Variants in UGT1A6 observed in about 807,000 individuals in gnomAD.
The protein encoded by UGT1A6 is UDP glucuronosyltransferase family 1 member A6, also known as UDP-glucuronosyltransferase 1A6.
Under a neutral mutation model 44.4 loss-of-function variants are expected in UGT1A6, and 32 were observed. The observed-to-expected ratio is 0.72, with a 90% CI of 0.54 to 0.97. The LOEUF (loss-of-function observed/expected upper bound fraction) is 0.97, where lower values mean the gene tolerates loss of function less well. UGT1A6 is among the 50% of genes least tolerant of loss of function. The pLI is 0.00. For missense variants in UGT1A6, 685 were observed against 661.9 expected, an observed-to-expected ratio of 1.03 and a Z score of -0.38; for synonymous variants, 238 against 248.5, an observed-to-expected ratio of 0.96 and a Z score of 0.40.
At chr2:233,725,070 G>A (rs1181179601) in intron 1 of UGT1A6, among the ~76,000 whole-genome samples, 7 of 145,216 alleles carry the variant, frequency 4.8e-5, no homozygotes, top group East Asian at 2.1e-4. Context: ...GCCTGCAATC[G>A]CAGGCACTCG....
At position 233,693,417 on chromosome 2, in the gene UGT1A6, T is replaced by A; in HGVS notation, c.413T>A (p.Phe138Tyr). The part of the protein sequence containing the change: ...SLLQDRDTLN[F>Y]FKESKFDALF... Reference sequence around the variant, plus strand: ...CTGCAGGACAGGGACACCCTGAACTTCTTTAAGGAGAGCAAGTTTGATGCT... The same window carrying A: ...CTGCAGGACAGGGACACCCTGAACTACTTTAAGGAGAGCAAGTTTGATGCT... Residue 138 changes from phenylalanine to tyrosine, a missense_variant, in exon 1 of 5, where the codon TTC becomes TAC. Physicochemically the swap from Phe to Tyr is conservative, Grantham distance 22. Transcript: ENST00000305139. 1 of 1,614,112 alleles carries A rather than the reference T, an allele frequency of 6.2e-7. No individual in the cohort carries two copies. The highest frequency in any genetic ancestry group is 8.5e-7 in the Non-Finnish European group (1 of 1,180,032).
intron 1 of UGT1A6, among the ~76,000 whole-genome samples, chr2:233,697,029 G>T (rs561369376): frequency 6.6e-6 from 1 of 152,092 alleles, no homozygotes; most frequent in South Asian, 2.1e-4. Context: ...ATATGGGCCC[G>T]CAGTTTTCTT....
intron 1 of UGT1A6, among the ~76,000 whole-genome samples, chr2:233,724,190 G>T (rs1456907439): frequency 1.6e-5 from 2 of 128,342 alleles, no homozygotes; most frequent in Non-Finnish European, 3.3e-5. Flanking sequence ...CCCGGACGGG[G>T]TGGCTGGCCG....
chr2:233,719,008 C>T (rs775074896), intron 1 of UGT1A6: 43 of 1,614,048 alleles, frequency 2.7e-5, no homozygotes, highest in Admixed American at 2.5e-4. Flanking sequence ...GTCCTCACCC[C>T]AGAGGTGAAT....
rs1700541312 is a variant in UGT1A6 at position 233,772,678 on chromosome 2, A to T, written c.*119A>T. On this transcript the variant is annotated 3_prime_UTR_variant, in exon 5 of 5. Transcript: ENST00000305139. ...TTAAGGAAATACTTTGCATAAATTA[A>T]TCAGCCCCAGAGTGCTTTAAAAAAT... The T allele has an allele frequency of 6.5e-7, 1 of 1,531,784 alleles. No homozygotes were observed. The highest frequency in any genetic ancestry group is 1.4e-5 in the African/African-American group (1 of 72,498). 94.9% of individuals were successfully genotyped at this position (1,531,784 alleles called of 1,614,324 possible).
chr2:233,706,934 A>C (rs932560394), intron 1 of UGT1A6, among the ~76,000 whole-genome samples: 8 of 152,130 alleles, frequency 5.3e-5, no homozygotes, highest in African/African-American at 1.7e-4. Flanking sequence ...GTCTGGTGAG[A>C]TGGAATGCTT....
At chr2:233,730,071 T>C in intron 1 of UGT1A6, 2 of 1,609,386 alleles carry the variant, frequency 1.2e-6, no homozygotes, top group Non-Finnish European at 1.7e-6. Context: ...TAAAATTGCT[T>C]CCATATTTAC....
At chr2:233,753,985 C>G (rs1431608078) in intron 1 of UGT1A6, among the ~76,000 whole-genome samples, 1 of 152,164 alleles carries the variant, frequency 6.6e-6, no homozygotes, top group Non-Finnish European at 1.5e-5. Context: ...TGTTTTAAGC[C>G]ACCAAGTTTG....
At position 233,725,275 on chromosome 2, in the gene UGT1A6, CAGAGGCAGAG is replaced by C. The variant is rs2077421204; in HGVS notation, c.861+31411_861+31420del. On this transcript the variant is annotated intron_variant, in intron 1 of 4. Coordinates refer to ENST00000305139, the MANE Select transcript of UGT1A6 (RefSeq NM_001072.4). ...GAGGCAGAGGCAGAGGAGGCAGAGG[CAGAGGCAGAG>C]GCAGAGGCAGAGGCAGAGGCAGAGG... 7.5e-5 allele frequency among the ~76,000 whole-genome samples: 2 copies of C among 26,790 alleles called. 1 individual carries two copies. Among genetic ancestry groups the C allele is most frequent in the Admixed American group, 6.8e-4 (2 of 2,920 alleles). The allele number at this position is 26,790 out of a possible 152,430, so 17.6% of individuals were successfully genotyped here.
chr2:233,711,761 G>A (rs2125625357), intron 1 of UGT1A6, among the ~76,000 whole-genome samples: 2 of 152,342 alleles, frequency 1.3e-5, no homozygotes, highest in Middle Eastern at 3.4e-3. Context: ...TAGACACAGA[G>A]GAAGTGAGAT....
intron 1 of UGT1A6, among the ~76,000 whole-genome samples, chr2:233,710,328 A>G (rs1227895445): frequency 6.6e-6 from 1 of 152,222 alleles, no homozygotes; most frequent in Non-Finnish European, 1.5e-5. Context: ...ATGACTTCAT[A>G]AGAAACAGTC....
chr2:233,739,424 C>T lies in UGT1A6; in HGVS notation c.862-27610C>T, dbSNP rs531347929. Among the ~76,000 whole-genome samples, 15 of 152,298 alleles carry T rather than the reference C, an allele frequency of 9.8e-5. No homozygotes were observed. In the South Asian group the frequency reaches 1.7e-3, roughly 17 times the overall value. ...TGCCACCCTCTGAAAGCAGCCAGGA[C>T]GAGGGCTTTACCCTGCAAAGCCACA... On this transcript the variant is annotated intron_variant, in intron 1 of 4. Transcript: ENST00000305139.
rs753056825 is a variant in UGT1A6 at position 233,767,178 on chromosome 2, T to C, written c.993+13T>C. 16 of 1,614,056 alleles carry C rather than the reference T, an allele frequency of 9.9e-6. No homozygotes were observed. Among genetic ancestry groups the C allele is most frequent in the Non-Finnish European group, 1.4e-5 (16 of 1,180,000 alleles). On this transcript the variant is annotated intron_variant, in intron 2 of 4. Coordinates refer to ENST00000305139, the MANE Select transcript of UGT1A6 (RefSeq NM_001072.4). ...AATCCCTCAGACAGTAAGAAGATTCTATACCATGGCCTCATATCTATTTTC... is the reference window on the plus strand; with the variant it reads ...AATCCCTCAGACAGTAAGAAGATTCCATACCATGGCCTCATATCTATTTTC...
At chr2:233,766,480 T>C (rs1299744322) in intron 1 of UGT1A6, among the ~76,000 whole-genome samples, 1 of 152,128 alleles carries the variant, frequency 6.6e-6, no homozygotes, top group African/African-American at 2.4e-5. Flanking sequence ...AGGCACATGA[T>C]GGGGGCGTGG....
chr2:233,702,607 C>T (rs1338677633), intron 1 of UGT1A6, among the ~76,000 whole-genome samples: 1 of 151,988 alleles, frequency 6.6e-6, no homozygotes, highest in Non-Finnish European at 1.5e-5. Context: ...TGAGTAGATG[C>T]CCCCCACATT....
chr2:233,769,506 T>A lies in UGT1A6; in HGVS notation c.1301+1067T>A. On this transcript the variant is annotated intron_variant, in intron 4 of 4. Coordinates refer to ENST00000305139, the MANE Select transcript of UGT1A6 (RefSeq NM_001072.4). The surrounding 1 kb of genome is among the most constrained non-coding windows in gnomAD (Gnocchi z 4.4). ...GTGTGTTTATGAGAGTGTCCATTGCTTTCTCCCATGGTTACCTCCTTTAGA... is the reference window on the plus strand; with the variant it reads ...GTGTGTTTATGAGAGTGTCCATTGCATTCTCCCATGGTTACCTCCTTTAGA... The A allele has an allele frequency of 6.2e-7, 1 of 1,612,780 alleles. No individual in the cohort carries two copies. Among genetic ancestry groups the A allele is most frequent in the Non-Finnish European group, 8.5e-7 (1 of 1,179,850 alleles).
rs1697701353 is a variant in UGT1A6, at chr2:233,761,179, G to A, written c.862-5855G>A. ...GTGTATTGGAGTGGGACTTTTACAT[G>A]CGTATATTCTTTCAGATGTATTACT... On this transcript the variant is annotated intron_variant, in intron 1 of 4. Transcript: ENST00000305139. 3 of 1,614,024 alleles carry A rather than the reference G, an allele frequency of 1.9e-6. No individual in the cohort carries two copies. In the South Asian group the frequency reaches 3.3e-5, roughly 18 times the overall value.
At chr2:233,721,362 A>G (rs1341884248) in intron 1 of UGT1A6, among the ~76,000 whole-genome samples, 1 of 152,182 alleles carries the variant, frequency 6.6e-6, no homozygotes, top group Non-Finnish European at 1.5e-5. Flanking sequence ...ACTGAACTGC[A>G]CTGGCTCAAA....
At chr2:233,726,824 AT>A (rs2077564743) in intron 1 of UGT1A6, among the ~76,000 whole-genome samples, 1 of 152,136 alleles carries the variant, frequency 6.6e-6, no homozygotes, top group Non-Finnish European at 1.5e-5. Context: ...CTATTCGACC[AT>A]TTAAATTTAA....
Sources: allele counts gnomAD v4.1 joint callset (sites outside exome capture counted in the v4.1 genomes callset), GRCh38; gene constraint gnomAD v4.1.1; non-coding constraint Gnocchi (gnomAD v3.1); transcripts MANE v1.5; gene names NCBI Gene and HGNC (gene_info 2026-07-23, HGNC 2026-07-21).